COL23A1: variants seen among roughly 807,000 people sequenced by gnomAD.
COL23A1 encodes collagen type XXIII alpha 1 chain.
COL23A1 carries 97 observed loss-of-function variants against 99.3 expected under a neutral mutation model. The ratio of observed to expected loss-of-function variants is 0.98; its 90% CI spans 0.83 to 1.16. The LOEUF is 1.16. Ranked by LOEUF, COL23A1 falls within the 50% of genes most tolerant of loss-of-function variation. The probability of loss-of-function intolerance (pLI) is 0.00; values close to 1 mark genes in which losing one functional copy is unlikely to be tolerated. For synonymous variants in COL23A1, 320 were observed against 308.2 expected (o/e 1.04, Z -0.40); for missense variants, 762 against 757.4 (o/e 1.01, Z -0.07).
intron 2 of COL23A1, among the ~76,000 whole-genome samples, chr5:178,463,077 C>G (rs1756212701): frequency 6.6e-6 from 1 of 152,240 alleles, no homozygotes; most frequent in East Asian, 1.9e-4. Context: ...AATTTCACGC[C>G]TCACCGCGCA....
intron 2 of COL23A1, among the ~76,000 whole-genome samples, chr5:178,449,158 A>G (rs1282514061): frequency 6.6e-6 from 1 of 152,088 alleles, no homozygotes; most frequent in African/African-American, 2.4e-5. Flanking sequence ...TATGAGAAAT[A>G]TATTTCCATT....
intron 10 of COL23A1, 82 bp downstream of exon 10, chr5:178,262,135 C>T (rs547623190): frequency 4.0e-5 from 56 of 1,414,118 alleles, no homozygotes; most frequent in Non-Finnish European, 4.4e-5. Flanking sequence ...ACCCTGCTGT[C>T]GGCGTGTGTG....
chr5:178,289,021 T>G (rs753981781), intron 4 of COL23A1, among the ~76,000 whole-genome samples: 24 of 151,938 alleles, frequency 1.6e-4, no homozygotes, highest in Admixed American at 8.5e-4. Flanking sequence ...GTTAGGTACT[T>G]CAGCAAGTTC....
At chr5:178,396,908 G>A (rs1561934871) in intron 2 of COL23A1, among the ~76,000 whole-genome samples, 2 of 152,242 alleles carry the variant, frequency 1.3e-5, no homozygotes, top group South Asian at 4.1e-4. Context: ...ACTTCAAAGA[G>A]CAGAACAGCT....
rs1161900776 is a variant in COL23A1 at position 178,258,258 on chromosome 5, T to TAC, written c.730-692_730-691insGT. Among the ~76,000 whole-genome samples the TAC allele has an allele frequency of 5.7e-5, 7 of 123,110 alleles. 1 individual carries two copies. In the East Asian group the frequency reaches 1.6e-3, roughly 28 times the overall value. The allele number at this position is 123,110 out of a possible 152,430, so 80.8% of individuals were successfully genotyped here. The stretch of plus-strand genomic sequence containing the variant: ...TAAAATATATATATATATATATATA[T>TAC]ATATACACATGCAAATCAATTCTAG... On this transcript the variant is annotated intron_variant, in intron 12 of 28. Coordinates refer to ENST00000390654, the MANE Select transcript of COL23A1 (RefSeq NM_173465.4).
At chr5:178,585,894 G>C (rs972770233) in intron 1 of COL23A1, among the ~76,000 whole-genome samples, 2 of 152,240 alleles carry the variant, frequency 1.3e-5, no homozygotes, top group Non-Finnish European at 2.9e-5. Flanking sequence ...TGCCAGTGAA[G>C]GGGATGGCGA....
intron 2 of COL23A1, among the ~76,000 whole-genome samples, chr5:178,498,925 TAAA>T (rs36048620): frequency 6.9e-6 from 1 of 145,026 alleles, no homozygotes. Flanking sequence ...CCATCTCTTC[TAAA>T]AAAAAAAAAA....
At chr5:178,336,704 A>G (rs1024674487) in intron 2 of COL23A1, among the ~76,000 whole-genome samples, 35 of 152,340 alleles carry the variant, frequency 2.3e-4, no homozygotes, top group African/African-American at 8.2e-4. Context: ...GTTCCATTAA[A>G]CTGGTTAATT....
intron 2 of COL23A1, among the ~76,000 whole-genome samples, chr5:178,470,215 G>A (rs907730530): frequency 6.6e-6 from 1 of 152,188 alleles, no homozygotes; most frequent in Non-Finnish European, 1.5e-5. Flanking sequence ...ACTTCTCAGG[G>A]ACGAAGCTTG....
rs1469686714 is a variant in COL23A1 at position 178,577,397 on chromosome 5, C to G, written c.294+12507G>C. Reference sequence around the variant, plus strand: ...ACCCCATCCCCAAGGGCGGCCGCATCCGGAGGCCCAGGGGTGAGGACTTCG... The same window carrying G: ...ACCCCATCCCCAAGGGCGGCCGCATGCGGAGGCCCAGGGGTGAGGACTTCG... On this transcript the variant is annotated intron_variant, in intron 1 of 28. Transcript: ENST00000390654. Among the ~76,000 whole-genome samples, 3 of 152,362 alleles carry G rather than the reference C, an allele frequency of 2.0e-5. No homozygotes were observed. In the East Asian group the frequency reaches 5.8e-4, roughly 29 times the overall value.
chr5:178,239,313 C>T, intron 27 of COL23A1, 134 bp from the exon 28 acceptor site: 2 of 957,578 alleles, frequency 2.1e-6, no homozygotes, highest in Non-Finnish European at 1.7e-6. Context: ...CCCACTGAGG[C>T]AGGGGCACAA....
intron 5 of COL23A1, among the ~76,000 whole-genome samples, chr5:178,272,738 C>T (rs1371357084): frequency 1.3e-5 from 2 of 152,134 alleles, no homozygotes; most frequent in Non-Finnish European, 2.9e-5. Context: ...TGGCCCTGCC[C>T]CTTGTCCCCC....
intron 2 of COL23A1, among the ~76,000 whole-genome samples, chr5:178,435,083 C>T (rs906156200): frequency 6.6e-6 from 1 of 152,226 alleles, no homozygotes; most frequent in African/African-American, 2.4e-5. Context: ...CTATTCCTGG[C>T]TCCTGGAGAT....
At chr5:178,302,306 AATCCACCTCTGTGTGCGCCGGAGCACG>A (rs1380473399) in intron 3 of COL23A1, among the ~76,000 whole-genome samples, 4,079 of 146,810 alleles carry the variant, frequency 0.028, 461 homozygotes, top group Middle Eastern at 0.051. Context: ...GCACGGCTTC[AATCCACCTCTGTGTGCGCCGGAGCACG>A]GCTTCAATCC....
chr5:178,314,728 T>C (rs965189768), intron 2 of COL23A1, among the ~76,000 whole-genome samples: 1 of 152,168 alleles, frequency 6.6e-6, no homozygotes. Context: ...AACTCACATA[T>C]TCCTGACCTC....
intron 2 of COL23A1, among the ~76,000 whole-genome samples, chr5:178,370,391 G>A (rs960118647): frequency 7.2e-5 from 11 of 152,158 alleles, no homozygotes; most frequent in African/African-American, 2.4e-4. Context: ...AAGACATGAC[G>A]CTAAGTGAAA....
At chr5:178,510,015 C>T (rs1043634244) in intron 2 of COL23A1, among the ~76,000 whole-genome samples, 5 of 152,176 alleles carry the variant, frequency 3.3e-5, no homozygotes, top group South Asian at 2.1e-4. Flanking sequence ...GTAGGAAGTA[C>T]GCAAAGCCTT....
At chr5:178,343,055 C>T (rs966017554) in intron 2 of COL23A1, among the ~76,000 whole-genome samples, 1 of 152,198 alleles carries the variant, frequency 6.6e-6, no homozygotes, top group East Asian at 1.9e-4. Context: ...CTGAACTTTG[C>T]ACCCTGAATT....
chr5:178,381,168 T>C (rs186595304), intron 2 of COL23A1, among the ~76,000 whole-genome samples: 167 of 152,342 alleles, frequency 1.1e-3, no homozygotes, highest in Admixed American at 2.7e-3. Flanking sequence ...CCTGTGAGGA[T>C]TGGTGACGTT....
Sources: allele counts gnomAD v4.1 joint callset (sites outside exome capture counted in the v4.1 genomes callset), GRCh38; gene constraint gnomAD v4.1.1; transcripts MANE v1.5; gene names NCBI Gene and HGNC (gene_info 2026-07-23, HGNC 2026-07-21).